The following EML6 variants were observed in gnomAD, a reference collection of about 807,000 sequenced individuals.
The protein encoded by EML6 is echinoderm microtubule-associated protein-like 6.
A neutral mutation model predicts 240.1 loss-of-function variants in EML6; 154 were observed. The ratio of observed to expected loss-of-function variants is 0.64; its 90% CI spans 0.56 to 0.73. The LOEUF is 0.73. Ranked by LOEUF, EML6 falls within the 30% of genes least tolerant of loss-of-function variation. The probability of loss-of-function intolerance (pLI) is 0.00; values close to 1 mark genes in which losing one functional copy is unlikely to be tolerated. For synonymous variants in EML6, 1,148 were observed against 899.0 expected (o/e 1.28, Z -4.95); for missense variants, 2,964 against 2,474.6 (o/e 1.20, Z -4.20).
Position 54,728,699 on chromosome 2 carries a change from A to G in EML6, c.197+3441A>G, listed in dbSNP as rs139842010. ...GGGCCTGGCCCTTAGTTGGTGCTCA[A>G]TAAATATTCTTAGTTGTGGTAGAAG... On this transcript the variant is annotated intron_variant, in intron 2 of 41. Coordinates refer to ENST00000356458, the MANE Select transcript of EML6 (RefSeq NM_001039753.4). Among the ~76,000 whole-genome samples the G allele has an allele frequency of 4.1e-4, 62 of 152,310 alleles. No individual in the cohort carries two copies. In the East Asian group the frequency reaches 0.011, roughly 28 times the overall value.
At chr2:54,840,150 C>T (rs1299373586) in intron 7 of EML6, among the ~76,000 whole-genome samples, 2 of 152,132 alleles carry the variant, frequency 1.3e-5, no homozygotes. Context: ...TGACCAAATA[C>T]AGCTCCAGGC....
intron 2 of EML6, among the ~76,000 whole-genome samples, chr2:54,760,992 G>A (rs1667957285): frequency 6.6e-6 from 1 of 152,058 alleles, no homozygotes; most frequent in African/African-American, 2.4e-5. Flanking sequence ...ACTGAGTTTG[G>A]TAATCAGTAT....
At chr2:54,951,186 A>G (rs942918915) in intron 30 of EML6, among the ~76,000 whole-genome samples, 2 of 152,210 alleles carry the variant, frequency 1.3e-5, no homozygotes, top group African/African-American at 2.4e-5. Context: ...TTCAAGTTGT[A>G]TTTTGACAGT....
In EML6 at chr2:54,948,870, T is replaced by G. The variant is rs1365940785; in HGVS notation, c.4005-12T>G. The G allele has an allele frequency of 1.3e-6, 2 of 1,549,382 alleles. No individual in the cohort carries two copies. Among genetic ancestry groups the G allele is most frequent in the African/African-American group, 2.7e-5 (2 of 72,966 alleles). ...TCAATGCTGTGCTTCCTCTGGCCGC[T>G]CTCTCTTCCAGACCACCCGTTAGCC... On this transcript the variant is annotated splice_polypyrimidine_tract_variant and intron_variant, in intron 28 of 41. Transcript: ENST00000356458.
At chr2:54,790,556 G>A (rs1023374131) in intron 2 of EML6, among the ~76,000 whole-genome samples, 1 of 152,064 alleles carries the variant, frequency 6.6e-6, no homozygotes, top group Non-Finnish European at 1.5e-5. Flanking sequence ...GTATCATTCA[G>A]ATACCAGCAT....
intron 2 of EML6, among the ~76,000 whole-genome samples, chr2:54,734,556 G>A (rs766963646): frequency 4.0e-4 from 61 of 152,286 alleles, no homozygotes; most frequent in South Asian, 8.3e-4. Context: ...TTAGAGGGGC[G>A]CAGATGGAAA....
chr2:54,941,774 C>G (rs560714748), intron 28 of EML6, among the ~76,000 whole-genome samples: 2 of 152,378 alleles, frequency 1.3e-5, no homozygotes, highest in South Asian at 2.1e-4. Flanking sequence ...GTAGTGCACG[C>G]AGGGCGAGGA....
At position 54,853,649 on chromosome 2, in the gene EML6, A is replaced by G. The variant is rs1558615397; in HGVS notation, c.1451A>G (p.Lys484Arg). 1 of 1,530,942 alleles carries G rather than the reference A, an allele frequency of 6.5e-7. No homozygotes were observed. The highest frequency in any genetic ancestry group is 2.0e-5 in the Admixed American group (1 of 49,590). The allele number at this position is 1,530,942 out of a possible 1,614,324, so 94.8% of individuals were successfully genotyped here. Residue 484 changes from lysine (K) to arginine (R), a missense_variant, in exon 11 of 42, where the codon AAG becomes AGG. By Grantham distance (26) the Lys-to-Arg change is conservative. Coordinates refer to ENST00000356458, the MANE Select transcript of EML6 (RefSeq NM_001039753.4). Reference protein sequence around the residue: ...ERLFYRMPSGKPLTSKEEIKG... With the variant: ...ERLFYRMPSGRPLTSKEEIKG... ...TAATATTGATTATTTTCAGCTGGGA[A>G]GCCTTTAACAAGTAAAGAAGAAATT...
intron 33 of EML6, 72 bp downstream of exon 33, chr2:54,958,070 G>A (rs1676317187): frequency 1.5e-6 from 2 of 1,365,572 alleles, no homozygotes; most frequent in Non-Finnish European, 2.0e-6. Flanking sequence ...ATGGGCAGGA[G>A]GGGAGTTTGG....
chr2:54,879,927 T>A, intron 17 of EML6: 1 of 290,190 alleles, frequency 3.4e-6, no homozygotes, highest in Non-Finnish European at 6.3e-6. Flanking sequence ...ACTTCAGCAA[T>A]AGAAAAGCAG....
chr2:54,922,518 G>T (rs1674312590), intron 26 of EML6, among the ~76,000 whole-genome samples: 1 of 152,106 alleles, frequency 6.6e-6, no homozygotes, highest in African/African-American at 2.4e-5. Flanking sequence ...ACTAATATAT[G>T]ATTCAGTAAT....
Position 54,844,175 on chromosome 2 carries a change from G to T in EML6, c.976G>T (p.Gly326Cys), listed in dbSNP as rs1052231919. ...GTTGATCCTACAGGGCCACTGCGAGGGTGAGCTCTGGGCTCTGGCCCTGCA... is the reference window on the plus strand; with the variant it reads ...GTTGATCCTACAGGGCCACTGCGAGTGTGAGCTCTGGGCTCTGGCCCTGCA... ...PMLILQGHCE[G>C]ELWALALHPK... The change falls in exon 8 of 42, where the codon GGT becomes TGT. Residue 326 changes from glycine (G) to cysteine (C), a missense_variant. Coordinates refer to ENST00000356458, the MANE Select transcript of EML6 (RefSeq NM_001039753.4). The T allele has an allele frequency of 5.8e-6, 9 of 1,551,610 alleles. No individual in the cohort carries two copies. Among genetic ancestry groups the T allele is most frequent in the Non-Finnish European group, 7.8e-6 (9 of 1,147,010 alleles).
intron 22 of EML6, among the ~76,000 whole-genome samples, chr2:54,901,654 C>G (rs1029640560): frequency 6.6e-6 from 1 of 152,210 alleles, no homozygotes; most frequent in Admixed American, 6.5e-5. Context: ...CTTGATGATG[C>G]TCTTCAAGGG....
chr2:54,835,771 C>T (rs186831745), intron 7 of EML6, among the ~76,000 whole-genome samples: 22 of 152,150 alleles, frequency 1.4e-4, no homozygotes, highest in African/African-American at 3.9e-4. Context: ...TGCAGAGTTG[C>T]GACTGGCATC....
rs1389543351 is a variant in EML6 at position 54,954,089 on chromosome 2, T to C, written c.4419T>C (p.Thr1473=). Reference sequence around the variant, plus strand: ...TGAATTACATCAACTTCAGTGCAACTGGAAAGCTCCTGGTGTCGGTGGGAG... The same window carrying C: ...TGAATTACATCAACTTCAGTGCAACCGGAAAGCTCCTGGTGTCGGTGGGAG... The part of the protein sequence containing the change: ...KGVNYINFSA[T]GKLLVSVGVD... The change falls in exon 32 of 42, where the codon ACT becomes ACC. Residue 1473 remains threonine (T), a synonymous_variant. Coordinates refer to ENST00000356458, the MANE Select transcript of EML6 (RefSeq NM_001039753.4). 1 of 1,551,728 alleles carries C rather than the reference T, an allele frequency of 6.4e-7. No homozygotes were observed. Among genetic ancestry groups the C allele is most frequent in the Admixed American group, 2.0e-5 (1 of 50,988 alleles).
chr2:54,798,499 C>A (rs1669940246), intron 2 of EML6, among the ~76,000 whole-genome samples: 1 of 152,096 alleles, frequency 6.6e-6, no homozygotes, highest in African/African-American at 2.4e-5. Flanking sequence ...TGTAAAGGAG[C>A]TATACATCTT....
intron 24 of EML6, among the ~76,000 whole-genome samples, chr2:54,907,103 T>A (rs992957531): frequency 6.6e-6 from 1 of 152,052 alleles, no homozygotes; most frequent in Non-Finnish European, 1.5e-5. Context: ...AGCTCCAGCA[T>A]GGAATGCTTG....
At chr2:54,952,989 C>G (rs1030859315) in intron 31 of EML6, among the ~76,000 whole-genome samples, 3 of 152,136 alleles carry the variant, frequency 2.0e-5, no homozygotes, top group African/African-American at 7.2e-5. Flanking sequence ...AACTCCGTGT[C>G]TTTTGAAGCT....
intron 2 of EML6, among the ~76,000 whole-genome samples, chr2:54,775,414 T>G (rs1275722824): frequency 6.6e-6 from 1 of 152,166 alleles, no homozygotes; most frequent in Non-Finnish European, 1.5e-5. Flanking sequence ...TTCCCGTGCC[T>G]GAAACGCTCC....
Sources: gnomAD v4.1 joint callset for allele counts (sites outside exome capture counted in the v4.1 genomes callset) on GRCh38, gnomAD v4.1.1 for gene constraint, MANE v1.5 for transcripts, NCBI Gene and HGNC (gene_info 2026-07-23, HGNC 2026-07-21) for gene names.